MYH7B: variants seen among roughly 807,000 people sequenced by gnomAD.
The protein encoded by MYH7B is myosin heavy chain 7B, also known as myosin-7B.
MYH7B carries 205 observed loss-of-function variants against 234.5 expected under a neutral mutation model. The observed-to-expected ratio is 0.87, with a 90% confidence interval of 0.78 to 0.98. The LOEUF (loss-of-function observed/expected upper bound fraction) is 0.98, where lower values mean the gene tolerates loss of function less well. Ranked by LOEUF, MYH7B falls within the 50% of genes least tolerant of loss-of-function variation. The pLI, the probability that MYH7B is intolerant of heterozygous loss-of-function variation, is 0.00. For missense variants in MYH7B, 2,652 were observed against 2,633.4 expected (o/e 1.01, Z -0.15); for synonymous variants, 1,193 against 1,105.0 (o/e 1.08, Z -1.58).
chr20:35,001,498 A>G lies in MYH7B; in HGVS notation c.5648A>G (p.Lys1883Arg), dbSNP rs2082381268. Residue 1883 changes from lysine (K) to arginine (R), a missense_variant, in exon 43 of 45, where the codon AAG becomes AGG. Lys to Arg is a conservative substitution (Grantham distance 26). Around this residue, in one of 3 missense-constraint regions of MYH7B, gnomAD observed 2,279 missense variants for 2,211.4 expected, o/e 1.03. Coordinates refer to ENST00000262873, the Ensembl canonical transcript of MYH7B. ...GTGGACAAGCTGCAGAGCAAGGTCA[A>G]GAGCTACAAGCGCCAGTTTGAGGAG... 4 of 1,610,176 alleles carry G rather than the reference A, an allele frequency of 2.5e-6. 1 individual carries two copies. The highest frequency in any genetic ancestry group is 2.2e-5 in the South Asian group (2 of 90,494).
chr20:34,983,293 CTTTTCTTTTTT>C (rs144680459), intron 10 of MYH7B, among the ~76,000 whole-genome samples: 43,700 of 99,440 alleles, frequency 0.44, 6,737 homozygotes, highest in Admixed American at 0.55. Flanking sequence ...CTTTTCTTTT[CTTTTCTTTTTT>C]TTTTTTTTTT....
chr20:34,964,271 G>A (rs1304421705), intron 2 of MYH7B, among the ~76,000 whole-genome samples: 1 of 151,916 alleles, frequency 6.6e-6, no homozygotes, highest in African/African-American at 2.4e-5. Flanking sequence ...GATGTGAAAC[G>A]GTGTCTCGTT....
At chr20:34,997,306 G>T in exon 32 of MYH7B, 1 of 1,553,072 alleles carries the variant, frequency 6.4e-7, no homozygotes, top group Non-Finnish European at 8.7e-7. Context: ...GCCCGGGCCC[G>T]CGTGGAGAAG....
rs377232516 is a variant in MYH7B at position 35,002,065 on chromosome 20, C to T, written c.5794C>T (p.Arg1932Trp). The change falls in exon 44 of 45, where the codon CGG becomes TGG. Residue 1932 changes from arginine (R) to tryptophan (W), a missense_variant. Arg to Trp is a moderately radical substitution (Grantham distance 101). Coordinates refer to ENST00000262873, the Ensembl canonical transcript of MYH7B. ...GGCCAACAAGCTGCGGGCACGGACC[C>T]GGGACGCCCTGGGCCCCAAGGTGAG... is the stretch of plus-strand genomic sequence containing the variant. 327 of 1,613,884 alleles carry T rather than the reference C, an allele frequency of 2.0e-4. No individual in the cohort carries two copies. The highest frequency in any genetic ancestry group is 2.6e-4 in the Non-Finnish European group (309 of 1,179,998).
In MYH7B at chr20:35,000,970, GCTC is replaced by G. The variant is rs1377570829; in HGVS notation, c.5305-10_5305-8del. 2 of 1,613,402 alleles carry G rather than the reference GCTC, an allele frequency of 1.2e-6. No homozygotes were observed. Among genetic ancestry groups the G allele is most frequent in the Admixed American group, 1.7e-5 (1 of 59,990 alleles). ...TTCCCTGAGGCTGGGCACCTGACCA[GCTC>G]CTCCTCCCCAACAGGCGGCCATGAT... On this transcript the variant is annotated splice_polypyrimidine_tract_variant and intron_variant, in intron 40 of 44. Transcript: ENST00000262873.
chr20:34,987,961 G>A, intron 18 of MYH7B, 47 bp downstream of exon 18: 1 of 1,560,428 alleles, frequency 6.4e-7, no homozygotes, highest in Non-Finnish European at 8.7e-7. Flanking sequence ...CAAGGTAGAG[G>A]ACATGGGCCT....
chr20:34,958,461 C>G (rs550679878), intron 2 of MYH7B, among the ~76,000 whole-genome samples: 1 of 152,092 alleles, frequency 6.6e-6, no homozygotes, highest in East Asian at 1.9e-4. Context: ...ATAAGTCTAT[C>G]ACGTTATCCT....
exon 37 of MYH7B, chr20:34,999,675 G>A (rs1367329421): frequency 6.2e-7 from 1 of 1,613,598 alleles, no homozygotes; most frequent in South Asian, 1.1e-5. Flanking sequence ...TGAGATCCAG[G>A]CTGCACTGGA....
chr20:34,987,296 C>A lies in MYH7B; in HGVS notation c.1147+9C>A, dbSNP rs752724641. On this transcript the variant is annotated intron_variant, in intron 16 of 44. Coordinates refer to ENST00000262873, the Ensembl canonical transcript of MYH7B. ...GGCCGATGGCACTGAGAGTGAGGGGCCCTAACCTGGCCTTCAACTTGACCC... is the reference window on the plus strand; with the variant it reads ...GGCCGATGGCACTGAGAGTGAGGGGACCTAACCTGGCCTTCAACTTGACCC... 1 of 1,609,222 alleles carries A rather than the reference C, an allele frequency of 6.2e-7. No individual in the cohort carries two copies. The highest frequency in any genetic ancestry group is 1.7e-5 in the Admixed American group (1 of 59,968).
Position 34,998,637 on chromosome 20 carries a change from G to A in MYH7B, c.3993+8G>A. On this transcript the variant is annotated splice_region_variant and intron_variant, in intron 34 of 44. Coordinates refer to ENST00000262873, the Ensembl canonical transcript of MYH7B. Reference sequence around the variant, plus strand: ...CTAGAGGAGGAAAGCAAGGTGGGCTGGCACCGGTGACCATGGAGTGGGCAG... The same window carrying A: ...CTAGAGGAGGAAAGCAAGGTGGGCTAGCACCGGTGACCATGGAGTGGGCAG... 1 of 1,612,996 alleles carries A rather than the reference G, an allele frequency of 6.2e-7. No homozygotes were observed. Among genetic ancestry groups the A allele is most frequent in the South Asian group, 1.1e-5 (1 of 91,084 alleles).
chr20:35,001,998 G>C (rs1170169500), exon 44 of MYH7B: 5 of 1,613,944 alleles, frequency 3.1e-6, no homozygotes, highest in Non-Finnish European at 4.2e-6. Flanking sequence ...CCCAGCACGA[G>C]CTGGATGATG....
chr20:34,971,950 G>A (rs573208867), intron 2 of MYH7B, among the ~76,000 whole-genome samples: 1 of 152,132 alleles, frequency 6.6e-6, no homozygotes, highest in African/African-American at 2.4e-5. Flanking sequence ...GCTGCAGCTG[G>A]TGGGGCTGCT....
At chr20:34,958,727 G>A (rs1009997327) in intron 2 of MYH7B, among the ~76,000 whole-genome samples, 3 of 152,108 alleles carry the variant, frequency 2.0e-5, no homozygotes, top group African/African-American at 7.2e-5. Flanking sequence ...GCCTCTCAAA[G>A]TGCTGGGATT....
intron 11 of MYH7B, 68 bp from the exon 12 acceptor site, chr20:34,984,786 C>T (rs539794935): frequency 1.9e-5 from 30 of 1,600,750 alleles, no homozygotes; most frequent in African/African-American, 9.4e-5. Flanking sequence ...AGAGGGGCCA[C>T]GGGTGGCTCT....
At chr20:34,970,730 G>A (rs1184455363) in intron 2 of MYH7B, among the ~76,000 whole-genome samples, 2 of 152,238 alleles carry the variant, frequency 1.3e-5, no homozygotes. Context: ...CTGGGGGTAG[G>A]AGGTTGGCCC....
At chr20:34,965,213 G>GA (rs1453888740) in intron 2 of MYH7B, among the ~76,000 whole-genome samples, 21 of 152,116 alleles carry the variant, frequency 1.4e-4, no homozygotes, top group African/African-American at 5.1e-4. Context: ...TATAGATGAG[G>GA]AATCAGAAGA....
At chr20:34,983,409 T>C (rs2147184012) in intron 10 of MYH7B, among the ~76,000 whole-genome samples, 1 of 152,014 alleles carries the variant, frequency 6.6e-6, no homozygotes, top group Non-Finnish European at 1.5e-5. Context: ...TTTTTGGTCC[T>C]TTTTCCTCCT....
exon 29 of MYH7B, chr20:34,996,359 C>G (rs780035845): frequency 1.3e-5 from 21 of 1,594,496 alleles, no homozygotes; most frequent in African/African-American, 4.0e-5. Flanking sequence ...AAGAACCTGA[C>G]GGAAGAGATG....
rs748015446 is a variant in MYH7B at position 35,002,187 on chromosome 20, G to T, written c.5825G>T (p.Ter1942LeuextTer41). The T allele has an allele frequency of 3.2e-6, 5 of 1,542,612 alleles. No homozygotes were observed. The South Asian group carries it at 4.9e-5, about 15-fold the overall frequency. ...TCCCTTTCTCCTCAGCACAAGGAGT[G>T]ACGGCCTGACCCCCTGGGCTCTAAA... Residue 1942 changes from the stop codon to leucine, a stop_lost, in exon 45 of 45, where the codon TGA becomes TTA. Coordinates refer to ENST00000262873, the Ensembl canonical transcript of MYH7B.
Sources: allele counts gnomAD v4.1 joint callset (sites outside exome capture counted in the v4.1 genomes callset), GRCh38; gene constraint gnomAD v4.1.1; regional missense constraint gnomAD v4.1.1; transcripts MANE v1.5; gene names NCBI Gene and HGNC (gene_info 2026-07-23, HGNC 2026-07-21).